Variants in HEPH observed in about 807,000 individuals in gnomAD.
The protein encoded by HEPH is hephaestin.
A neutral mutation model predicts 80.8 loss-of-function variants in HEPH; 69 were observed. That is an observed-to-expected ratio of 0.85 (90% CI 0.70 to 1.04). The LOEUF (loss-of-function observed/expected upper bound fraction) is 1.04, where lower values mean the gene tolerates loss of function less well. Ranked by LOEUF, HEPH falls within the 50% of genes least tolerant of loss-of-function variation. The pLI, the probability that HEPH is intolerant of heterozygous loss-of-function variation, is 0.00. For synonymous variants in HEPH, 431 were observed against 322.8 expected (o/e 1.34, Z -3.60); for missense variants, 1,115 against 891.3 (o/e 1.25, Z -3.20).
Position 66,193,531 on chromosome X carries a change from C to T in HEPH, c.1262C>T (p.Ser421Phe). ...SISDKFFQKS[S>F]SRIGGTYWKV... ...TCAGATAAGTTTTTCCAGAAGAGCT[C>T]CAGCCGAATTGGGGGCACTTACTGG... The change falls in exon 8 of 21, where the codon TCC becomes TTC. Residue 421 changes from serine (S) to phenylalanine (F), a missense_variant. Around this residue, in one of 3 missense-constraint regions of HEPH, gnomAD observed 391 missense variants for 343.6 expected, o/e 1.14. Coordinates refer to ENST00000343002, the MANE Select transcript of HEPH (RefSeq NM_001367233.3). 5.9e-6 allele frequency: 7 copies of T among 1,187,013 alleles called. No homozygotes were observed. The highest frequency in any genetic ancestry group is 8.0e-6 in the Non-Finnish European group (7 of 879,747).
intron 4 of HEPH, among the ~76,000 whole-genome samples, chrX:66,187,139 ATTT>A (rs1050062007): frequency 9.2e-6 from 1 of 108,947 alleles, no homozygotes; most frequent in Non-Finnish European, 1.9e-5. Context: ...TTCACTTCTT[ATTT>A]TTTTTGTTGT....
In HEPH at chrX:66,170,617, T is replaced by C; in HGVS notation, c.47T>C (p.Leu16Ser). The part of the protein sequence containing the change: ...LLWALLFMQS[L>S]WPQLTDGATR... ...TGGGCTCTGCTGTTCATGCAGTCCT[T>C]GTGGCCTCAACTGACTGATGGAGCC... is the stretch of plus-strand genomic sequence containing the variant. Residue 16 changes from leucine to serine, a missense_variant, in exon 2 of 21, where the codon TTG becomes TCG. Around this residue, in one of 3 missense-constraint regions of HEPH, gnomAD observed 391 missense variants for 343.6 expected, o/e 1.14. Coordinates refer to ENST00000343002, the MANE Select transcript of HEPH (RefSeq NM_001367233.3). 1 of 1,210,720 alleles carries C rather than the reference T, an allele frequency of 8.3e-7. No individual in the cohort carries two copies.
rs144430404 is a variant in HEPH, at chrX:66,191,281, G to A, written c.1064-849G>A. ...TAAAAGTCTATTTCATACAATGGTT[G>A]TAAGGATTGATAGAGATAACATATG... On this transcript the variant is annotated intron_variant, in intron 6 of 20. Coordinates refer to ENST00000343002, the MANE Select transcript of HEPH (RefSeq NM_001367233.3). 1.8e-3 allele frequency among the ~76,000 whole-genome samples: 205 copies of A among 112,012 alleles called. 1 individual carries two copies. Among genetic ancestry groups the A allele is most frequent in the Non-Finnish European group, 2.6e-3 (136 of 53,180 alleles).
chrX:66,175,972 T>G (rs968441476), intron 4 of HEPH, among the ~76,000 whole-genome samples: 1 of 111,744 alleles, frequency 8.9e-6, no homozygotes, highest in Non-Finnish European at 1.9e-5. Context: ...AGTGACAGTT[T>G]GACTTCCTCT....
intron 15 of HEPH, among the ~76,000 whole-genome samples, chrX:66,254,749 G>A (rs761245646): frequency 2.6e-3 from 51 of 19,695 alleles, no homozygotes; most frequent in Non-Finnish European, 4.6e-3. Flanking sequence ...CCCCACCCCC[G>A]CCCCGCAAAG....
chrX:66,176,842 A>T (rs928311774), intron 4 of HEPH, among the ~76,000 whole-genome samples: 1 of 111,647 alleles, frequency 9.0e-6, no homozygotes, highest in African/African-American at 3.3e-5. Flanking sequence ...ATCATTTTTT[A>T]TGGCTGCGTA....
At chrX:66,191,955 C>A in intron 6 of HEPH, among the ~76,000 whole-genome samples, 175 bp from the exon 7 acceptor site, 1 of 111,301 alleles carries the variant, frequency 9.0e-6, no homozygotes, top group Non-Finnish European at 1.9e-5. Flanking sequence ...CTACCCTGGA[C>A]TCTCTCTCTC....
chrX:66,233,032 G>A (rs946960284), intron 15 of HEPH, among the ~76,000 whole-genome samples: 1 of 110,665 alleles, frequency 9.0e-6, no homozygotes, highest in Non-Finnish European at 1.9e-5. Context: ...TTAACCTACA[G>A]AAGCATGATT....
chrX:66,243,707 T>G (rs1385286110), intron 15 of HEPH, among the ~76,000 whole-genome samples: 2 of 113,130 alleles, frequency 1.8e-5, no homozygotes, highest in Admixed American at 1.9e-4. Context: ...CCTGTCATTG[T>G]GTTGTTACCT....
At chrX:66,246,454 T>G (rs1200917564) in intron 15 of HEPH, among the ~76,000 whole-genome samples, 6 of 111,026 alleles carry the variant, frequency 5.4e-5, no homozygotes, top group Admixed American at 9.6e-5. Context: ...CACCATGACT[T>G]TAGTCTTTAT....
intron 4 of HEPH, among the ~76,000 whole-genome samples, chrX:66,186,657 G>A (rs893062251): frequency 8.1e-5 from 9 of 111,583 alleles, no homozygotes; most frequent in Non-Finnish European, 1.1e-4. Flanking sequence ...GAAATCACCC[G>A]TCTTCTGCGT....
At chrX:66,167,461 C>T (rs1463265139) in intron 1 of HEPH, among the ~76,000 whole-genome samples, 5 of 111,844 alleles carry the variant, frequency 4.5e-5, no homozygotes. Context: ...GGAGCTCTTG[C>T]CTGGGACAGT....
chrX:66,167,352 T>G (rs1191055898), intron 1 of HEPH, among the ~76,000 whole-genome samples: 1 of 112,555 alleles, frequency 8.9e-6, no homozygotes, highest in Non-Finnish European at 1.9e-5. Context: ...ATTTGGATCA[T>G]AAGTCACCAC....
chrX:66,195,748 T>C (rs2088055768), intron 9 of HEPH, among the ~76,000 whole-genome samples: 1 of 111,792 alleles, frequency 8.9e-6, no homozygotes, highest in Non-Finnish European at 1.9e-5. Flanking sequence ...TGCTTGGACA[T>C]GTAGGTTTTT....
intron 19 of HEPH, 123 bp downstream of exon 19, chrX:66,260,385 C>A: frequency 2.0e-6 from 1 of 505,740 alleles, no homozygotes. Context: ...GGTCTTAAGG[C>A]AGAGCATAGC....
At position 66,172,610 on chromosome X, in the gene HEPH, C is replaced by A; in HGVS notation, c.412+11C>A. 8.9e-7 allele frequency: 1 copy of A among 1,123,663 alleles called. No homozygotes were observed. Among genetic ancestry groups the A allele is most frequent in the Non-Finnish European group, 1.2e-6 (1 of 849,254 alleles). 92.6% of individuals were successfully genotyped at this position (1,123,663 alleles called of 1,213,427 possible). ...AGAAGGACTCTGAAGGTAAACCATT[C>A]CACCGTTTCTTTCCCCCATGCCCAA... On this transcript the variant is annotated intron_variant, in intron 3 of 20. Transcript: ENST00000343002.
chrX:66,268,597 A>G (rs950694498), downstream of HEPH: 4 of 111,858 alleles, frequency 3.6e-5, no homozygotes, highest in African/African-American at 1.3e-4. Context: ...TAATGGTTAT[A>G]ATTTACATGC....
At chrX:66,213,869 C>T (rs2089269594) in intron 15 of HEPH, among the ~76,000 whole-genome samples, 2 of 112,449 alleles carry the variant, frequency 1.8e-5, no homozygotes, top group African/African-American at 6.5e-5. Context: ...TAATACTAGT[C>T]TATTACTAAC....
chrX:66,204,837 G>T (rs1341429183), intron 13 of HEPH, among the ~76,000 whole-genome samples: 2 of 111,912 alleles, frequency 1.8e-5, no homozygotes, highest in African/African-American at 6.5e-5. Flanking sequence ...AAAAGGAAAA[G>T]AGATATTTAC....
Sources: allele counts gnomAD v4.1 joint callset (sites outside exome capture counted in the v4.1 genomes callset), GRCh38; gene constraint gnomAD v4.1.1; regional missense constraint gnomAD v4.1.1; transcripts MANE v1.5; gene names NCBI Gene and HGNC (gene_info 2026-07-23, HGNC 2026-07-21).